Variants in MYO16 observed in about 807,000 individuals in gnomAD.
MYO16 encodes the protein unconventional myosin-XVI.
In MYO16, 94 loss-of-function variants were observed where a neutral mutation model predicts 205.3. The ratio of observed to expected loss-of-function variants is 0.46; its 90% confidence interval spans 0.39 to 0.54. The LOEUF (loss-of-function observed/expected upper bound fraction) is 0.54. Among genes scored for constraint, MYO16 ranks in the 20% least tolerant of loss-of-function variants. MYO16 has a pLI of 0.00. For missense variants in MYO16, 2,315 were observed against 2,387.5 expected, an observed-to-expected ratio of 0.97 and a Z score of 0.63; for synonymous variants, 988 against 954.0, an observed-to-expected ratio of 1.04 and a Z score of -0.66.
rs1336954021 is a variant in MYO16, at chr13:109,185,697, A to G, written c.5415+6064A>G. ...TTTGCATTATTTACTTTAGAGCTAC[A>G]TTTTTGGAAAAACATGTATCCTAGC... On this transcript the variant is annotated intron_variant, in intron 34 of 34. Coordinates refer to ENST00000457511, the MANE Select transcript of MYO16 (RefSeq NM_001198950.3). Among the ~76,000 whole-genome samples the G allele has an allele frequency of 2.0e-5, 3 of 152,314 alleles. No homozygotes were observed. In the East Asian group the frequency reaches 5.8e-4, roughly 29 times the overall value.
rs887784712 is a variant in MYO16 at position 109,031,704 on chromosome 13, T to C, written c.2796+11793T>C. On this transcript the variant is annotated intron_variant, in intron 23 of 34. Transcript: ENST00000457511. ...AAGATGTAATTGAGATTCCTTAATATTTTGGGCTTATATTGCTTTTTAAAA... is the reference window on the plus strand; with the variant it reads ...AAGATGTAATTGAGATTCCTTAATACTTTGGGCTTATATTGCTTTTTAAAA... Among the ~76,000 whole-genome samples, 4 of 152,274 alleles carry C rather than the reference T, an allele frequency of 2.6e-5. No homozygotes were observed. The East Asian group carries it at 5.8e-4, about 22-fold the overall frequency.
chr13:108,557,954 A>G, the MYO16 span, among the ~76,000 whole-genome samples: 1 of 152,210 alleles, frequency 6.6e-6, no homozygotes, highest in East Asian at 1.9e-4. Context: ...CATATATGTT[A>G]TCACATAGTG....
chr13:109,179,143 A>G (rs1339431794), intron 33 of MYO16, among the ~76,000 whole-genome samples: 1 of 152,116 alleles, frequency 6.6e-6, no homozygotes, highest in African/African-American at 2.4e-5. Flanking sequence ...TCTCCCTGCA[A>G]TCCTATGAAT....
intron 16 of MYO16, among the ~76,000 whole-genome samples, chr13:108,946,803 A>T (rs1882958979): frequency 6.6e-6 from 1 of 152,020 alleles, no homozygotes; most frequent in Non-Finnish European, 1.5e-5. Context: ...GTGCAGTGGC[A>T]GGATCACAGC....
chr13:108,595,309 T>C (rs954466556), upstream of MYO16, among the ~76,000 whole-genome samples: 37 of 152,172 alleles, frequency 2.4e-4, no homozygotes, highest in African/African-American at 8.7e-4. Context: ...GCTTGTTTAA[T>C]TCATTCCACA....
At chr13:108,659,650 G>A (rs769059720) in intron 1 of MYO16, among the ~76,000 whole-genome samples, 3 of 152,144 alleles carry the variant, frequency 2.0e-5, no homozygotes, top group African/African-American at 7.2e-5. Flanking sequence ...ATTTCTGTAA[G>A]AGCAGGACTA....
intron 6 of MYO16, 94 bp from the exon 7 acceptor site, chr13:108,806,585 C>T (rs907213618): frequency 2.9e-6 from 3 of 1,038,486 alleles, no homozygotes; most frequent in African/African-American, 1.6e-5. Flanking sequence ...TTAGATCCAC[C>T]ATTTCATTAA....
intron 23 of MYO16, among the ~76,000 whole-genome samples, chr13:109,026,194 A>T (rs1475604): frequency 0.39 from 58,898 of 152,058 alleles, 11,764 homozygotes; most frequent in East Asian, 0.66. Context: ...GCCCCTATTC[A>T]TGGAGACTGT....
At chr13:108,598,674 A>G (rs1878648903) in intron 1 of MYO16, among the ~76,000 whole-genome samples, 1 of 152,106 alleles carries the variant, frequency 6.6e-6, no homozygotes, top group Non-Finnish European at 1.5e-5. Flanking sequence ...TTGAATTCTT[A>G]TGTGATTTGT....
the MYO16 span, among the ~76,000 whole-genome samples, chr13:108,576,793 G>A: frequency 5.9e-5 from 9 of 151,632 alleles, no homozygotes; most frequent in South Asian, 4.2e-4. Context: ...ACAGGATCTC[G>A]CTGTGTTGCC....
chr13:108,527,385 T>C, the MYO16 span, among the ~76,000 whole-genome samples: 4 of 152,188 alleles, frequency 2.6e-5, no homozygotes, highest in Non-Finnish European at 5.9e-5. Context: ...TTTAATAAGA[T>C]GTAATGGTTA....
intron 32 of MYO16, among the ~76,000 whole-genome samples, chr13:109,156,540 T>A (rs1488407153): frequency 6.6e-6 from 1 of 152,234 alleles, no homozygotes; most frequent in African/African-American, 2.4e-5. Flanking sequence ...CCTGCGTTAC[T>A]GAAACCCGGA....
At chr13:108,552,377 C>A in the MYO16 span, among the ~76,000 whole-genome samples, 5 of 152,154 alleles carry the variant, frequency 3.3e-5, no homozygotes, top group Non-Finnish European at 7.3e-5. Context: ...AAACATTTCT[C>A]TTTTTGTTGA....
chr13:109,105,912 T>C (rs1889110203), intron 28 of MYO16, among the ~76,000 whole-genome samples: 1 of 152,220 alleles, frequency 6.6e-6, no homozygotes, highest in Non-Finnish European at 1.5e-5. Context: ...GGTTTGATTT[T>C]GAAGAAAGGA....
At chr13:108,739,228 C>T (rs891892890) in intron 4 of MYO16, among the ~76,000 whole-genome samples, 5 of 152,166 alleles carry the variant, frequency 3.3e-5, no homozygotes, top group African/African-American at 4.8e-5. Context: ...TTCTTCCTAG[C>T]ATCGATGGTC....
At chr13:109,182,321 A>G (rs1316854289) in intron 34 of MYO16, among the ~76,000 whole-genome samples, 2 of 152,094 alleles carry the variant, frequency 1.3e-5, no homozygotes, top group Non-Finnish European at 1.5e-5. Context: ...CAGTTAACCT[A>G]CCTACGATGG....
chr13:109,052,229 A>G (rs1208757461), intron 24 of MYO16, 71 bp from the exon 25 acceptor site: 3 of 1,359,628 alleles, frequency 2.2e-6, no homozygotes, highest in Non-Finnish European at 3.1e-6. Context: ...GAGCTCTTGT[A>G]TGAAGAATAA....
the MYO16 span, among the ~76,000 whole-genome samples, chr13:108,559,233 A>G: frequency 6.6e-6 from 1 of 152,088 alleles, no homozygotes; most frequent in Admixed American, 6.5e-5. Context: ...GAAGACACAT[A>G]GGGAGCACTC....
intron 20 of MYO16, among the ~76,000 whole-genome samples, chr13:108,972,249 C>CTCTCTCTCTCTCTCTCTATA (rs1178345437): frequency 3.5e-4 from 1 of 2,850 alleles, no homozygotes; most frequent in African/African-American, 1.3e-3. Flanking sequence ...CTCTCTCTCT[C>CTCTCTCTCTCTCTCTCTATA]TATATATATA....
Sources: gnomAD v4.1 joint callset for allele counts (sites outside exome capture counted in the v4.1 genomes callset) on GRCh38, gnomAD v4.1.1 for gene constraint, MANE v1.5 for transcripts, NCBI Gene and HGNC (gene_info 2026-07-23, HGNC 2026-07-21) for gene names.